The following EYS variants were observed in gnomAD, a reference collection of about 807,000 sequenced individuals.
EYS encodes the protein protein eyes shut homolog.
In EYS, 250 loss-of-function variants were observed where a neutral mutation model predicts 282.1. The ratio of observed to expected loss-of-function variants is 0.89; its 90% CI spans 0.80 to 0.98. The LOEUF (loss-of-function observed/expected upper bound fraction) is 0.98, where lower values mean the gene tolerates loss of function less well. Ranked by LOEUF, EYS falls within the 50% of genes least tolerant of loss-of-function variation. The pLI is 0.00. For missense variants in EYS, 4,016 were observed against 3,709.0 expected (o/e 1.08, Z -2.15); for synonymous variants, 1,355 against 1,282.9 (o/e 1.06, Z -1.20).
intron 9 of EYS, among the ~76,000 whole-genome samples, chr6:65,351,048 A>G (rs1764253883): frequency 6.6e-6 from 1 of 151,544 alleles, no homozygotes; most frequent in African/African-American, 2.4e-5. Context: ...AAGAAATAAG[A>G]AGGAATTTTG....
chr6:65,410,601 T>TA (rs1167423400), intron 5 of EYS, among the ~76,000 whole-genome samples: 4 of 150,890 alleles, frequency 2.7e-5, no homozygotes, highest in Non-Finnish European at 5.9e-5. Context: ...ATACTAGCTT[T>TA]TTTTTTTTTT....
intron 31 of EYS, among the ~76,000 whole-genome samples, chr6:64,157,610 A>G (rs1413304221): frequency 6.6e-6 from 1 of 152,172 alleles, no homozygotes; most frequent in East Asian, 1.9e-4. Context: ...GGTGCCCTGC[A>G]TCCCAATTGC....
At chr6:64,125,678 C>G (rs1276125835) in intron 31 of EYS, among the ~76,000 whole-genome samples, 1 of 149,564 alleles carries the variant, frequency 6.7e-6, no homozygotes, top group Non-Finnish European at 1.5e-5. Flanking sequence ...CCCAGCTACT[C>G]AGGAGAGTGA....
intron 15 of EYS, among the ~76,000 whole-genome samples, chr6:64,918,316 G>A (rs964560383): frequency 6.6e-6 from 1 of 152,132 alleles, no homozygotes; most frequent in African/African-American, 2.4e-5. Flanking sequence ...TGGGTAAAAT[G>A]AAAGTGAGGA....
intron 1 of EYS, among the ~76,000 whole-genome samples, chr6:65,666,957 T>TAA (rs200796849): frequency 8.6e-4 from 121 of 141,328 alleles, no homozygotes; most frequent in Non-Finnish European, 1.3e-3. Context: ...CCACCCAATG[T>TAA]AAAAAAAAAA....
chr6:64,377,137 G>A (rs1772587501), intron 29 of EYS, among the ~76,000 whole-genome samples: 1 of 151,078 alleles, frequency 6.6e-6, no homozygotes, highest in African/African-American at 2.5e-5. Context: ...ACATTTGTTG[G>A]ATTAATAAAT....
rs9294341 is a variant in EYS at position 63,934,446 on chromosome 6, G to C, written c.7055+49937C>G. 5.9e-5 allele frequency among the ~76,000 whole-genome samples: 9 copies of C among 151,744 alleles called. No individual in the cohort carries two copies. The South Asian group carries it at 1.7e-3, about 28-fold the overall frequency. ...ATCATGCTGCTATAAAGACACATGC[G>C]CACGTATGTTTATTGCGGCACTATT... On this transcript the variant is annotated intron_variant, in intron 35 of 42. Transcript: ENST00000503581.
At chr6:64,202,237 A>G (rs1380284695) in intron 31 of EYS, among the ~76,000 whole-genome samples, 3 of 152,168 alleles carry the variant, frequency 2.0e-5, no homozygotes, top group Non-Finnish European at 4.4e-5. Context: ...GCTCAGATCA[A>G]TCCCTGGAGA....
At chr6:65,150,733 T>C (rs1324648162) in intron 12 of EYS, among the ~76,000 whole-genome samples, 1 of 151,858 alleles carries the variant, frequency 6.6e-6, no homozygotes, top group East Asian at 1.9e-4. Flanking sequence ...TAGTAACTAA[T>C]AGGTTACTAG....
At chr6:63,772,100 T>C (rs1195145649) in intron 40 of EYS, among the ~76,000 whole-genome samples, 3 of 150,994 alleles carry the variant, frequency 2.0e-5, no homozygotes, top group Non-Finnish European at 4.4e-5. Context: ...TGTTCATTGA[T>C]ACTGAGTTAT....
rs535335094 is a variant in EYS, at chr6:65,520,371, G to T, written c.-332-24378C>A. On this transcript the variant is annotated intron_variant, in intron 2 of 42. Coordinates refer to ENST00000503581, the MANE Select transcript of EYS (RefSeq NM_001142800.2). ...TTTTAATGAGTGTAACAAGGCTATT[G>T]CTAAGATAACAAGACATATGTTGAA... 3.3e-5 allele frequency among the ~76,000 whole-genome samples: 5 copies of T among 152,184 alleles called. No individual in the cohort carries two copies. In the South Asian group the frequency reaches 1.0e-3, roughly 32 times the overall value.
At chr6:65,419,240 T>C (rs1767361060) in intron 5 of EYS, among the ~76,000 whole-genome samples, 1 of 151,968 alleles carries the variant, frequency 6.6e-6, no homozygotes, top group Non-Finnish European at 1.5e-5. Flanking sequence ...TAGTAGTTCT[T>C]ATTTAAAAAG....
chr6:63,889,878 T>G (rs1773363156), intron 35 of EYS, among the ~76,000 whole-genome samples: 1 of 151,710 alleles, frequency 6.6e-6, no homozygotes, highest in African/African-American at 2.4e-5. Flanking sequence ...AGGAGACCCA[T>G]CTCACGTACA....
intron 2 of EYS, among the ~76,000 whole-genome samples, chr6:65,503,484 G>T (rs1326285630): frequency 6.6e-6 from 1 of 151,542 alleles, no homozygotes; most frequent in Non-Finnish European, 1.5e-5. Flanking sequence ...TTTCTGTCAT[G>T]AATTATGCTT....
intron 12 of EYS, among the ~76,000 whole-genome samples, chr6:65,176,942 A>T (rs9453217): frequency 6.6e-6 from 1 of 151,646 alleles, no homozygotes; most frequent in African/African-American, 2.4e-5. Context: ...TATGTTTTTC[A>T]TATGTCAGTT....
chr6:64,898,329 C>T (rs911679126), intron 18 of EYS, among the ~76,000 whole-genome samples: 29 of 152,032 alleles, frequency 1.9e-4, no homozygotes, highest in African/African-American at 6.3e-4. Context: ...ATTTTCAACC[C>T]AGAATTTCAT....
chr6:64,870,519 A>T (rs1180589059), intron 19 of EYS, among the ~76,000 whole-genome samples: 1 of 151,496 alleles, frequency 6.6e-6, no homozygotes, highest in African/African-American at 2.4e-5. Context: ...TTCAACAAAC[A>T]TCACAAGGCA....
At chr6:63,765,541 T>A (rs192983840) in intron 40 of EYS, among the ~76,000 whole-genome samples, 4 of 152,066 alleles carry the variant, frequency 2.6e-5, no homozygotes, top group Admixed American at 2.6e-4. Flanking sequence ...TGTACATATT[T>A]CTGGGGTACA....
intron 30 of EYS, among the ~76,000 whole-genome samples, chr6:64,303,584 T>C (rs1561918230): frequency 6.6e-6 from 1 of 152,066 alleles, no homozygotes; most frequent in African/African-American, 2.4e-5. Context: ...GGCTCACGCC[T>C]GTAATCCCAG....
Sources: gnomAD v4.1 joint callset for allele counts (sites outside exome capture counted in the v4.1 genomes callset) on GRCh38, gnomAD v4.1.1 for gene constraint, MANE v1.5 for transcripts, NCBI Gene and HGNC (gene_info 2026-07-23, HGNC 2026-07-21) for gene names.